The following COL13A1 variants were observed in gnomAD, a reference collection of about 807,000 sequenced individuals.
COL13A1 encodes the protein collagen alpha-1(XIII) chain.
Under a neutral mutation model 130.9 loss-of-function variants are expected in COL13A1, and 89 were observed. The observed-to-expected ratio is 0.68, with a 90% CI of 0.57 to 0.81. The LOEUF is 0.81. COL13A1 is among the 30% of genes least tolerant of loss of function. The pLI, the probability that COL13A1 is intolerant of heterozygous loss-of-function variation, is 0.00. For missense variants in COL13A1, 879 were observed against 934.6 expected (o/e 0.94, Z 0.78); for synonymous variants, 402 against 341.6 (o/e 1.18, Z -1.95).
At chr10:69,836,896 G>T (rs908043282) in intron 2 of COL13A1, among the ~76,000 whole-genome samples, 1 of 150,040 alleles carries the variant, frequency 6.7e-6, no homozygotes, top group African/African-American at 2.4e-5. Context: ...GGTATAAGTG[G>T]ATGCCAGCTT....
At chr10:69,936,880 G>A (rs1406088349) in intron 33 of COL13A1, 98 bp downstream of exon 33, 1 of 1,459,314 alleles carries the variant, frequency 6.9e-7, no homozygotes, top group South Asian at 1.2e-5. Context: ...GAAGGCATTA[G>A]GTGACACTCC....
At chr10:69,870,370 T>A (rs575738246) in intron 3 of COL13A1, among the ~76,000 whole-genome samples, 4 of 151,774 alleles carry the variant, frequency 2.6e-5, no homozygotes, top group African/African-American at 4.8e-5. Flanking sequence ...TGGGGAGCAG[T>A]GGTGCGATCA....
rs754802178 is a variant in COL13A1, at chr10:69,944,208, G to A, written c.1968+30G>A. On this transcript the variant is annotated intron_variant, in intron 36 of 40. Coordinates refer to ENST00000645393, the MANE Select transcript of COL13A1 (RefSeq NM_001368882.1). Reference sequence around the variant, plus strand: ...GTGTCACTGAGCCAGGGGCCTGGGCGGCCAGGAGGGAGAGGCATGCCTGGG... The same window carrying A: ...GTGTCACTGAGCCAGGGGCCTGGGCAGCCAGGAGGGAGAGGCATGCCTGGG... 78 of 1,605,182 alleles carry A rather than the reference G, an allele frequency of 4.9e-5. 1 individual carries two copies. Among genetic ancestry groups the A allele is most frequent in the African/African-American group, 2.0e-4 (15 of 74,902 alleles).
chr10:69,875,307 T>C, intron 5 of COL13A1, 144 bp downstream of exon 5: 1 of 965,096 alleles, frequency 1.0e-6, no homozygotes. Context: ...CCAGTGTGCT[T>C]TAGGGAGGGA....
In COL13A1 at chr10:69,923,870, A is replaced by G; in HGVS notation, c.1284+15A>G. 1 of 1,610,568 alleles carries G rather than the reference A, an allele frequency of 6.2e-7. No homozygotes were observed. Among genetic ancestry groups the G allele is most frequent in the Non-Finnish European group, 8.5e-7 (1 of 1,178,652 alleles). On this transcript the variant is annotated intron_variant, in intron 24 of 40. Transcript: ENST00000645393. ...CAGGAGACAAGGTACAGAGACCCCC[A>G]CATCCCAGAGCTGCAAGATGAGGGT...
At chr10:69,849,373 C>A (rs1008431295) in intron 2 of COL13A1, among the ~76,000 whole-genome samples, 53 of 152,212 alleles carry the variant, frequency 3.5e-4, no homozygotes, top group Non-Finnish European at 3.7e-4. Flanking sequence ...GCAGCAGTGC[C>A]CCCTGATCAC....
chr10:69,855,639 T>C (rs900374162), intron 2 of COL13A1, among the ~76,000 whole-genome samples: 2 of 152,178 alleles, frequency 1.3e-5, no homozygotes, highest in African/African-American at 4.8e-5. Flanking sequence ...AATTGTTAAT[T>C]ATTCCCTGTC....
chr10:69,838,536 C>A (rs1374158033), intron 2 of COL13A1, among the ~76,000 whole-genome samples: 1 of 152,228 alleles, frequency 6.6e-6, no homozygotes, highest in Non-Finnish European at 1.5e-5. Context: ...TGGTATTGAG[C>A]TGCTGGTACT....
At chr10:69,893,924 C>T (rs1218715803) in intron 10 of COL13A1, among the ~76,000 whole-genome samples, 3 of 152,220 alleles carry the variant, frequency 2.0e-5, no homozygotes, top group Non-Finnish European at 4.4e-5. Flanking sequence ...CCAGAGCATG[C>T]GGGGCCCTCC....
intron 2 of COL13A1, among the ~76,000 whole-genome samples, chr10:69,846,909 G>A (rs544199134): frequency 3.3e-5 from 5 of 152,210 alleles, no homozygotes; most frequent in East Asian, 3.9e-4. Context: ...CTTAGAACCC[G>A]CTGATTCAAG....
In COL13A1 at chr10:69,822,333, C is replaced by G. The variant is rs1262908502; in HGVS notation, c.295-36C>G. The G allele has an allele frequency of 2.0e-6, 3 of 1,529,722 alleles. 1 individual carries two copies. The highest frequency in any genetic ancestry group is 2.6e-6 in the Non-Finnish European group (3 of 1,132,640). 94.8% of individuals were successfully genotyped at this position (1,529,722 alleles called of 1,614,324 possible). On this transcript the variant is annotated intron_variant, in intron 1 of 40. Transcript: ENST00000645393. ...CTTTCCAGGGCTTGGTGTCTACGAG[C>G]TCCTGGTGACTCCTCTTGTCTGTCT...
At chr10:69,901,410 C>T (rs531236921) in intron 14 of COL13A1, among the ~76,000 whole-genome samples, 3 of 152,340 alleles carry the variant, frequency 2.0e-5, no homozygotes, top group South Asian at 2.1e-4. Context: ...AGGTTGTGCA[C>T]TCCTATTTAT....
rs369539804 is a variant in COL13A1, at chr10:69,944,207, C to T, written c.1968+29C>T. The T allele has an allele frequency of 1.3e-4, 208 of 1,607,008 alleles. 3 individuals are homozygous for T. The South Asian group carries it at 2.1e-3, about 16-fold the overall frequency. Reference sequence around the variant, plus strand: ...AGTGTCACTGAGCCAGGGGCCTGGGCGGCCAGGAGGGAGAGGCATGCCTGG... The same window carrying T: ...AGTGTCACTGAGCCAGGGGCCTGGGTGGCCAGGAGGGAGAGGCATGCCTGG... On this transcript the variant is annotated intron_variant, in intron 36 of 40. Coordinates refer to ENST00000645393, the MANE Select transcript of COL13A1 (RefSeq NM_001368882.1).
At chr10:69,874,379 C>T (rs1186503888) in intron 4 of COL13A1, among the ~76,000 whole-genome samples, 3 of 152,198 alleles carry the variant, frequency 2.0e-5, no homozygotes, top group African/African-American at 7.2e-5. Flanking sequence ...AAACTCTAGG[C>T]CCCACCCCAG....
At chr10:69,951,585 G>A (rs935170092) in intron 38 of COL13A1, among the ~76,000 whole-genome samples, 4 of 151,924 alleles carry the variant, frequency 2.6e-5, no homozygotes, top group African/African-American at 9.7e-5. Flanking sequence ...GGCTGGCCTC[G>A]AACTCCTGGC....
intron 17 of COL13A1, among the ~76,000 whole-genome samples, chr10:69,910,725 T>C (rs1251893157): frequency 1.3e-5 from 2 of 152,250 alleles, no homozygotes; most frequent in African/African-American, 4.8e-5. Flanking sequence ...ACTTTAAATA[T>C]GTTGCAAGAT....
rs1485801367 is a variant in COL13A1, at chr10:69,802,536, G to C, written c.113G>C (p.Arg38Pro). ...LVAARAERGA[R>P]LPSPGSCGLL... is the part of the protein sequence containing the mutation. ...GCGGCGCGGGCGGAGCGCGGCGCAC[G>C]GCTGCCGAGTCCAGGGTCGTGCGGG... Residue 38 changes from arginine to proline, a missense_variant, in exon 1 of 41, where the codon CGG (arginine) becomes CCG (proline). By Grantham distance (103) the Arg-to-Pro change is moderately radical. Around this residue, in one of 3 missense-constraint regions of COL13A1, gnomAD observed 715 missense variants for 721.0 expected, o/e 0.99. Coordinates refer to ENST00000645393, the MANE Select transcript of COL13A1 (RefSeq NM_001368882.1). 6 of 1,593,548 alleles carry C rather than the reference G, an allele frequency of 3.8e-6. No homozygotes were observed. The African/African-American group carries it at 6.9e-5, about 18-fold the overall frequency.
chr10:69,858,584 C>T (rs1387178035), intron 2 of COL13A1, among the ~76,000 whole-genome samples: 1 of 152,174 alleles, frequency 6.6e-6, no homozygotes, highest in African/African-American at 2.4e-5. Context: ...GTTGAAGTTC[C>T]TCCTAAGATG....
At chr10:69,841,696 T>C (rs989081091) in intron 2 of COL13A1, among the ~76,000 whole-genome samples, 2 of 152,084 alleles carry the variant, frequency 1.3e-5, no homozygotes, top group East Asian at 3.9e-4. Context: ...ATGCAAGGTT[T>C]CATGAGAAAC....
Sources: gnomAD v4.1 joint callset for allele counts (sites outside exome capture counted in the v4.1 genomes callset) on GRCh38, gnomAD v4.1.1 for gene constraint, gnomAD v4.1.1 regional missense constraint, MANE v1.5 for transcripts, NCBI Gene and HGNC (gene_info 2026-07-23, HGNC 2026-07-21) for gene names.